The following ITFG1 variants were observed in gnomAD, a reference collection of about 807,000 sequenced individuals.
ITFG1 encodes the protein T-cell immunomodulatory protein.
Under a neutral mutation model 81.8 loss-of-function variants are expected in ITFG1, and 34 were observed. The ratio of observed to expected loss-of-function variants is 0.42; its 90% CI spans 0.32 to 0.55. The LOEUF (loss-of-function observed/expected upper bound fraction) is 0.55. Ranked by LOEUF, ITFG1 falls within the 20% of genes least tolerant of loss-of-function variation. The pLI is 0.17. For missense variants in ITFG1, 672 were observed against 755.4 expected, an observed-to-expected ratio of 0.89 and a Z score of 1.29; for synonymous variants, 285 against 270.6, an observed-to-expected ratio of 1.05 and a Z score of -0.52.
chr16:47,171,333 AGTT>A (rs1266463288), intron 14 of ITFG1, among the ~76,000 whole-genome samples: 2 of 152,178 alleles, frequency 1.3e-5, no homozygotes, highest in Non-Finnish European at 2.9e-5. Context: ...GTTGATATGC[AGTT>A]GTTTATAGTA....
chr16:47,206,974 G>A (rs1965507070), intron 14 of ITFG1, among the ~76,000 whole-genome samples: 1 of 152,066 alleles, frequency 6.6e-6, no homozygotes, highest in Non-Finnish European at 1.5e-5. Flanking sequence ...ACCTCTTTTT[G>A]CTTTTATTCG....
At chr16:47,207,807 T>A (rs1471925996) in intron 14 of ITFG1, among the ~76,000 whole-genome samples, 2 of 107,044 alleles carry the variant, frequency 1.9e-5, no homozygotes, top group Non-Finnish European at 3.4e-5. Flanking sequence ...TTCCACAGAA[T>A]GTAACTGCCT....
intron 8 of ITFG1, among the ~76,000 whole-genome samples, chr16:47,361,842 T>C (rs1434368365): frequency 6.6e-6 from 1 of 152,182 alleles, no homozygotes; most frequent in Non-Finnish European, 1.5e-5. Flanking sequence ...CACCCATTTT[T>C]CTCCCTACTT....
intron 10 of ITFG1, among the ~76,000 whole-genome samples, chr16:47,288,901 G>A (rs751841067): frequency 6.6e-6 from 1 of 152,122 alleles, no homozygotes; most frequent in Non-Finnish European, 1.5e-5. Flanking sequence ...TAAAAAAGGT[G>A]AAGTAAAATG....
intron 6 of ITFG1, chr16:47,396,172 G>A: frequency 1.0e-6 from 1 of 985,198 alleles, no homozygotes; most frequent in African/African-American, 1.7e-5. Flanking sequence ...GTCTACATTT[G>A]CCTCTGAAGA....
At chr16:47,418,591 T>C (rs1048712021) in intron 6 of ITFG1, among the ~76,000 whole-genome samples, 1 of 152,156 alleles carries the variant, frequency 6.6e-6, no homozygotes, top group African/African-American at 2.4e-5. Flanking sequence ...TTTCATTCTT[T>C]TTCATACTGA....
chr16:47,439,781 C>T (rs1018056553), intron 5 of ITFG1, among the ~76,000 whole-genome samples: 2 of 152,102 alleles, frequency 1.3e-5, no homozygotes, highest in African/African-American at 2.4e-5. Context: ...CATCAACTAA[C>T]GAGCAAAATA....
At chr16:47,223,168 G>A (rs956245761) in intron 13 of ITFG1, among the ~76,000 whole-genome samples, 1 of 151,488 alleles carries the variant, frequency 6.6e-6, no homozygotes, top group Non-Finnish European at 1.5e-5. Flanking sequence ...TCAGGACATA[G>A]GCATGGGCAA....
chr16:47,217,671 T>A (rs1351183519), intron 14 of ITFG1, among the ~76,000 whole-genome samples: 1 of 152,220 alleles, frequency 6.6e-6, no homozygotes, highest in East Asian at 1.9e-4. Context: ...ACGCCTGTAA[T>A]CCCAGCACTT....
chr16:47,299,623 C>G (rs1318660108), intron 10 of ITFG1: 1 of 152,674 alleles, frequency 6.5e-6, no homozygotes, highest in Non-Finnish European at 1.5e-5. Flanking sequence ...AACTAACCAG[C>G]ATGGGGAAAG....
chr16:47,305,520 A>G (rs1967144628), intron 10 of ITFG1, among the ~76,000 whole-genome samples: 1 of 152,182 alleles, frequency 6.6e-6, no homozygotes, highest in Admixed American at 6.5e-5. Context: ...AAAACCTAAG[A>G]GAATGAAACA....
Position 47,307,032 on chromosome 16 carries a change from T to G in ITFG1, c.1070+4208A>C, listed in dbSNP as rs866106574. Among the ~76,000 whole-genome samples the G allele has an allele frequency of 1.3e-4, 16 of 124,724 alleles. No homozygotes were observed. The South Asian group carries it at 4.1e-3, about 32-fold the overall frequency. The allele number at this position is 124,724 out of a possible 152,430, so 81.8% of individuals were successfully genotyped here. On this transcript the variant is annotated intron_variant, in intron 10 of 17. Transcript: ENST00000320640. ...CGGCGTGAACCCGGGAGGCAGAGCT[T>G]GCAGTATGTGGAGATTGCGCCACTG...
At chr16:47,456,052 T>A (rs1000712299) in intron 2 of ITFG1, among the ~76,000 whole-genome samples, 2 of 151,992 alleles carry the variant, frequency 1.3e-5, no homozygotes, top group African/African-American at 4.8e-5. Context: ...ATGCCTAGCA[T>A]AATAAGTAAA....
chr16:47,266,448 C>T (rs1332797300), intron 10 of ITFG1, among the ~76,000 whole-genome samples: 1 of 152,174 alleles, frequency 6.6e-6, no homozygotes, highest in East Asian at 1.9e-4. Context: ...GAACTCCTGA[C>T]TTCAAGTGAT....
At chr16:47,334,639 C>T (rs144796021) in intron 8 of ITFG1, among the ~76,000 whole-genome samples, 87 of 152,222 alleles carry the variant, frequency 5.7e-4, no homozygotes, top group African/African-American at 1.6e-3. Context: ...TGGATTATAA[C>T]GCTGACTTTT....
intron 12 of ITFG1, 60 bp downstream of exon 12, chr16:47,258,572 G>A: frequency 2.5e-6 from 2 of 792,370 alleles, no homozygotes; most frequent in Middle Eastern, 2.3e-4. Flanking sequence ...TTGCTCTTTG[G>A]AATATGTGGA....
At chr16:47,376,964 CAAA>C (rs1222007051) in intron 6 of ITFG1, among the ~76,000 whole-genome samples, 1 of 18,076 alleles carries the variant, frequency 5.5e-5, no homozygotes, top group Non-Finnish European at 1.4e-4. Flanking sequence ...TCTGTCTCCC[CAAA>C]AAAAAAAAAA....
intron 13 of ITFG1, among the ~76,000 whole-genome samples, chr16:47,221,925 G>A (rs909629522): frequency 1.3e-5 from 2 of 152,082 alleles, no homozygotes; most frequent in Non-Finnish European, 2.9e-5. Context: ...GGGATCGGTG[G>A]TTATATCCCC....
intron 12 of ITFG1, among the ~76,000 whole-genome samples, chr16:47,241,887 GAGCTTGC>G (rs1965939017): frequency 6.6e-6 from 1 of 151,642 alleles, no homozygotes; most frequent in Non-Finnish European, 1.5e-5. Context: ...CTGGGAGGCG[GAGCTTGC>G]AGTGAGCTGA....
Sources: gnomAD v4.1 joint callset for allele counts (sites outside exome capture counted in the v4.1 genomes callset) on GRCh38, gnomAD v4.1.1 for gene constraint, MANE v1.5 for transcripts, NCBI Gene and HGNC (gene_info 2026-07-23, HGNC 2026-07-21) for gene names.